Variants in RSF1 observed in about 807,000 individuals in gnomAD.
RSF1 encodes the protein HBV pX-associated protein 8.
Under a neutral mutation model 145.2 loss-of-function variants are expected in RSF1, and 13 were observed. The observed-to-expected ratio is 0.09, with a 90% CI of 0.06 to 0.14. The LOEUF (loss-of-function observed/expected upper bound fraction) is 0.14, where lower values mean the gene tolerates loss of function less well. RSF1 is among the 10% of genes least tolerant of loss of function. The probability of loss-of-function intolerance (pLI) is 1.00; values close to 1 mark genes in which losing one functional copy is unlikely to be tolerated. For missense variants in RSF1, 1,517 were observed against 1,718.2 expected (o/e 0.88, Z 2.07); for synonymous variants, 577 against 592.6 (o/e 0.97, Z 0.38).
At position 77,737,621 on chromosome 11, in the gene RSF1, G is replaced by GGGTGTGTGT. The variant is rs1491534916; in HGVS notation, c.578+3109_578+3110insACACACACC. Among the ~76,000 whole-genome samples the GGGTGTGTGT allele has an allele frequency of 4.8e-4, 45 of 93,546 alleles. 1 individual carries two copies. In the East Asian group the frequency reaches 6.2e-3, roughly 13 times the overall value. 61.4% of individuals were successfully genotyped at this position (93,546 alleles called of 152,430 possible). On this transcript the variant is annotated intron_variant, in intron 4 of 15. Coordinates refer to ENST00000308488, the MANE Select transcript of RSF1 (RefSeq NM_016578.4). ...GAAAGAAGTTTTATGTGTTTTGGGG[G>GGGTGTGTGT]GTGTGTGTGTGTGTGTGTGTGTGTG...
chr11:77,801,275 A>G (rs966075809), intron 1 of RSF1, among the ~76,000 whole-genome samples: 1 of 152,150 alleles, frequency 6.6e-6, no homozygotes, highest in South Asian at 2.1e-4. Flanking sequence ...CTAAAGATAC[A>G]AAAGTAGCCG....
chr11:77,666,401 TC>T lies in RSF1; in HGVS notation c.*515del, dbSNP rs1959364189. On this transcript the variant is annotated 3_prime_UTR_variant, in exon 16 of 16. Transcript: ENST00000308488. Reference sequence around the variant, plus strand: ...ACTAAATGACTTATGTATGATGTTATCTACAATTCTCAAACTGTAACAGTAC... The same window carrying T: ...ACTAAATGACTTATGTATGATGTTATTACAATTCTCAAACTGTAACAGTAC... 6.6e-6 allele frequency: 1 copy of T among 152,642 alleles called. No homozygotes were observed. The allele number at this position is 152,642 out of a possible 1,614,324, so 9.5% of individuals were successfully genotyped here. A position where few individuals can be genotyped will look rare whatever the true frequency, so the allele number is the denominator to read the frequency against.
rs1017228685 is a variant in RSF1, at chr11:77,707,398, T to C, written c.734-4903A>G. The stretch of plus-strand genomic sequence containing the variant: ...AAGCATATTTCACCAACCTACAAAG[T>C]GAGATTTGGGCAAGGACATGATACA... On this transcript the variant is annotated intron_variant, in intron 5 of 15. Transcript: ENST00000308488. Among the ~76,000 whole-genome samples the C allele has an allele frequency of 3.3e-5, 5 of 152,240 alleles. No homozygotes were observed. The South Asian group carries it at 6.2e-4, about 19-fold the overall frequency.
chr11:77,728,645 G>C (rs1263593461), intron 4 of RSF1, among the ~76,000 whole-genome samples: 1 of 151,358 alleles, frequency 6.6e-6, no homozygotes, highest in African/African-American at 2.4e-5. Context: ...GGGAAGGAAA[G>C]GAAAGGGAAA....
chr11:77,737,472 A>AAC (rs1565165016), intron 4 of RSF1, among the ~76,000 whole-genome samples: 7 of 110,396 alleles, frequency 6.3e-5, no homozygotes, highest in East Asian at 2.8e-4. Context: ...AAAAACCAAA[A>AAC]AACAACAACA....
chr11:77,676,225 C>G (rs1391661639), intron 13 of RSF1, among the ~76,000 whole-genome samples: 1 of 152,002 alleles, frequency 6.6e-6, no homozygotes, highest in Admixed American at 6.6e-5. Flanking sequence ...GCCAACTTTC[C>G]TCTGTAGCCT....
intron 1 of RSF1, among the ~76,000 whole-genome samples, chr11:77,795,660 G>T (rs1948564967): frequency 6.6e-6 from 1 of 152,142 alleles, no homozygotes; most frequent in Non-Finnish European, 1.5e-5. Flanking sequence ...AACTGGAAAA[G>T]CATATGCAGA....
At position 77,663,566 on chromosome 11, in the gene RSF1, C is replaced by T. The variant is rs1427968975; in HGVS notation, c.*3351G>A. The T allele has an allele frequency of 6.6e-6, 1 of 152,084 alleles. No individual in the cohort carries two copies. Among genetic ancestry groups the T allele is most frequent in the Non-Finnish European group, 1.5e-5 (1 of 68,004 alleles). 9.4% of individuals were successfully genotyped at this position (152,084 alleles called of 1,614,324 possible). A position where few individuals can be genotyped will look rare whatever the true frequency, so the allele number is the denominator to read the frequency against. ...TGAATTTATTCTAAATGAAACTACC[C>T]TTTATCCTCTGAATCTGTAACCTTG... On this transcript the variant is annotated 3_prime_UTR_variant, in exon 16 of 16. Coordinates refer to ENST00000308488, the MANE Select transcript of RSF1 (RefSeq NM_016578.4).
At chr11:77,756,767 T>C (rs1429828191) in intron 2 of RSF1, among the ~76,000 whole-genome samples, 2 of 152,094 alleles carry the variant, frequency 1.3e-5, no homozygotes, top group Admixed American at 6.5e-5. Context: ...ATGAGAGAAA[T>C]AGCAATTGCA....
rs925708854 is a variant in RSF1 at position 77,664,848 on chromosome 11, C to T, written c.*2069G>A. 5.9e-5 allele frequency: 9 copies of T among 152,244 alleles called. No individual in the cohort carries two copies. The highest frequency in any genetic ancestry group is 2.2e-4 in the African/African-American group (9 of 41,474). 9.4% of individuals were successfully genotyped at this position (152,244 alleles called of 1,614,324 possible). A position where few individuals can be genotyped will look rare whatever the true frequency, so the allele number is the denominator to read the frequency against. On this transcript the variant is annotated 3_prime_UTR_variant, in exon 16 of 16. Coordinates refer to ENST00000308488, the MANE Select transcript of RSF1 (RefSeq NM_016578.4). ...AGTAAATGTAGCTCCTTACACAGCC[C>T]TGCTTTACTGTCTGTGAATGTAAGC...
At chr11:77,782,889 C>T (rs1367200111) in intron 1 of RSF1, among the ~76,000 whole-genome samples, 1 of 152,094 alleles carries the variant, frequency 6.6e-6, no homozygotes, top group Admixed American at 6.5e-5. Context: ...TTGGCTAACC[C>T]CAAACTAAAA....
At chr11:77,869,809 G>A in the RSF1 span, 29 of 1,613,742 alleles carry the variant, frequency 1.8e-5, no homozygotes, top group South Asian at 4.4e-5. Flanking sequence ...GATGAGTGAG[G>A]CCTTGAAGGT....
intron 11 of RSF1, among the ~76,000 whole-genome samples, chr11:77,681,530 T>C (rs760936426): frequency 1.1e-4 from 16 of 152,174 alleles, no homozygotes; most frequent in Non-Finnish European, 1.6e-4. Flanking sequence ...TCCTCCTGCC[T>C]CAGTCTCCCA....
chr11:77,665,717 C>T lies in RSF1; in HGVS notation c.*1200G>A, dbSNP rs1220322340. 1 of 152,128 alleles carries T rather than the reference C, an allele frequency of 6.6e-6. No homozygotes were observed. The highest frequency in any genetic ancestry group is 1.5e-5 in the Non-Finnish European group (1 of 68,022). The allele number at this position is 152,128 out of a possible 1,614,324, so 9.4% of individuals were successfully genotyped here. The stretch of plus-strand genomic sequence containing the variant: ...AATGGCCAAAGGCCAAAACTACATT[C>T]AAACTCTGCTAATATATCCAGGCAG... On this transcript the variant is annotated 3_prime_UTR_variant, in exon 16 of 16. Coordinates refer to ENST00000308488, the MANE Select transcript of RSF1 (RefSeq NM_016578.4).
chr11:77,813,699 C>A, intron 1 of RSF1: 1 of 457,248 alleles, frequency 2.2e-6, no homozygotes. Context: ...GCTTCCTGAC[C>A]GACTTGTTCC....
chr11:77,853,993 C>CTTTT, the RSF1 span, among the ~76,000 whole-genome samples: 2 of 138,382 alleles, frequency 1.4e-5, no homozygotes, highest in African/African-American at 5.4e-5. Flanking sequence ...CCTCCAAATT[C>CTTTT]TTTTTTTTTT....
At chr11:77,724,052 A>T (rs576569706) in intron 5 of RSF1, among the ~76,000 whole-genome samples, 1 of 152,252 alleles carries the variant, frequency 6.6e-6, no homozygotes, top group Non-Finnish European at 1.5e-5. Flanking sequence ...TTTTCAAAGC[A>T]TAACAAAAAA....
chr11:77,685,674 C>T (rs1429231456), intron 9 of RSF1, among the ~76,000 whole-genome samples: 1 of 152,070 alleles, frequency 6.6e-6, no homozygotes, highest in Non-Finnish European at 1.5e-5. Flanking sequence ...GTTAAGATAA[C>T]AATATCTTTC....
the RSF1 span, among the ~76,000 whole-genome samples, chr11:77,834,449 T>G: frequency 1.5e-4 from 22 of 148,476 alleles, no homozygotes; most frequent in South Asian, 2.2e-3. Flanking sequence ...TTGTTTTTTT[T>G]TTTTTTTTTT....
Sources: allele counts gnomAD v4.1 joint callset (sites outside exome capture counted in the v4.1 genomes callset), GRCh38; gene constraint gnomAD v4.1.1; transcripts MANE v1.5; gene names NCBI Gene and HGNC (gene_info 2026-07-23, HGNC 2026-07-21).